NEK7: variants seen among roughly 807,000 people sequenced by gnomAD.
NEK7 encodes serine/threonine-protein kinase Nek7.
A neutral mutation model predicts 44.6 loss-of-function variants in NEK7; 18 were observed. The ratio of observed to expected loss-of-function variants is 0.40; its 90% CI spans 0.28 to 0.60. The LOEUF (loss-of-function observed/expected upper bound fraction) is 0.60. NEK7 is among the 20% of genes least tolerant of loss of function. NEK7 has a pLI of 0.38. For synonymous variants in NEK7, 130 were observed against 121.1 expected (o/e 1.07, Z -0.48); for missense variants, 256 against 366.5 (o/e 0.70, Z 2.46).
rs769564996 is a variant in NEK7, at chr1:198,297,173, A to G, written c.731A>G (p.Tyr244Cys). 8 of 1,613,508 alleles carry G rather than the reference A, an allele frequency of 5.0e-6. No homozygotes were observed. Among genetic ancestry groups the G allele is most frequent in the African/African-American group, 1.3e-5 (1 of 75,026 alleles). The change falls in exon 9 of 10, where the codon TAC (tyrosine) becomes TGC (cysteine). Residue 244 changes from tyrosine to cysteine, a missense_variant. Tyr to Cys is a radical substitution (Grantham distance 194, BLOSUM62 -2). Transcript: ENST00000367385. ...SPFYGDKMNL[Y>C]SLCKKIEQCD... is the part of the protein sequence containing the mutation. ...TTCTATGGTGACAAAATGAATTTAT[A>G]CTCACTGTGTAAGAAGATAGAACAG...
intron 2 of NEK7, among the ~76,000 whole-genome samples, chr1:198,252,570 AAAG>A (rs202203724): frequency 0.3 from 36,547 of 121,148 alleles, 7,232 homozygotes; most frequent in South Asian, 0.51. Flanking sequence ...ATATATATAA[AAAG>A]TACATATATA....
chr1:198,287,661 G>C (rs985805336), intron 7 of NEK7, among the ~76,000 whole-genome samples: 2 of 151,724 alleles, frequency 1.3e-5, no homozygotes, highest in Admixed American at 6.6e-5. Flanking sequence ...CTTACTGCAT[G>C]TTTGTGTGTG....
intron 2 of NEK7, among the ~76,000 whole-genome samples, chr1:198,249,757 G>C (rs937521763): frequency 1.4e-5 from 2 of 140,618 alleles, no homozygotes; most frequent in African/African-American, 2.7e-5. Context: ...TTGTAAATTT[G>C]TTTGAGTTCA....
chr1:198,191,952 C>G (rs575170395), intron 1 of NEK7, among the ~76,000 whole-genome samples: 1 of 152,160 alleles, frequency 6.6e-6, no homozygotes, highest in South Asian at 2.1e-4. Flanking sequence ...CATAGTAGTT[C>G]CAATGTTCTC....
chr1:198,319,111 C>G (rs1190791450), intron 9 of NEK7, among the ~76,000 whole-genome samples: 12 of 152,154 alleles, frequency 7.9e-5, no homozygotes, highest in Non-Finnish European at 1.2e-4. Context: ...CTAGTGTCCT[C>G]AGTGACTGCT....
intron 1 of NEK7, among the ~76,000 whole-genome samples, chr1:198,187,552 G>T (rs761462942): frequency 2.0e-5 from 3 of 152,140 alleles, no homozygotes; most frequent in Admixed American, 6.6e-5. Flanking sequence ...GTACCCAAGG[G>T]ATTGAGAAAG....
intron 9 of NEK7, among the ~76,000 whole-genome samples, chr1:198,307,455 T>TA (rs990771631): frequency 6.6e-6 from 1 of 152,112 alleles, no homozygotes; most frequent in Admixed American, 6.6e-5. Flanking sequence ...GGATAGAACT[T>TA]AGATTATCCA....
chr1:198,267,238 A>G (rs932524431), intron 5 of NEK7, among the ~76,000 whole-genome samples: 1 of 152,022 alleles, frequency 6.6e-6, no homozygotes, highest in Non-Finnish European at 1.5e-5. Context: ...TATTTTAAAC[A>G]TATTTACATG....
chr1:198,249,658 T>C (rs1652847160), intron 2 of NEK7, among the ~76,000 whole-genome samples: 1 of 151,630 alleles, frequency 6.6e-6, no homozygotes. Flanking sequence ...CATTTTTTCA[T>C]GTGTTTTTTG....
At chr1:198,295,277 C>A (rs1413661971) in intron 8 of NEK7, among the ~76,000 whole-genome samples, 1 of 150,576 alleles carries the variant, frequency 6.6e-6, no homozygotes, top group Non-Finnish European at 1.5e-5. Context: ...GCTTACAGTT[C>A]AAAAAAAAAG....
At chr1:198,295,640 ACT>A (rs960228777) in intron 8 of NEK7, among the ~76,000 whole-genome samples, 4 of 150,610 alleles carry the variant, frequency 2.7e-5, no homozygotes, top group African/African-American at 4.9e-5. Context: ...TTTTTTTAAC[ACT>A]CTGCAGTACT....
Position 198,264,350 on chromosome 1 carries a change from T to A in NEK7, c.372+115T>A, listed in dbSNP as rs1653579545. 1.2e-5 allele frequency: 8 copies of A among 686,610 alleles called. No homozygotes were observed. The East Asian group carries it at 2.4e-4, about 20-fold the overall frequency. 42.5% of individuals were successfully genotyped at this position (686,610 alleles called of 1,614,324 possible). ...TAAACTAAAGACCTCAATGCAAAGC[T>A]TATCTGATAGATATGTAACAAATAG... On this transcript the variant is annotated intron_variant, in intron 5 of 9. Coordinates refer to ENST00000367385, the MANE Select transcript of NEK7 (RefSeq NM_133494.3).
Position 198,170,771 on chromosome 1 carries a change from T to G in NEK7, c.-29+13495T>G, listed in dbSNP as rs559831166. ...CTTGTGAAGTGATTGTGAAGTTACTTGTACCTTTATGTTTTTAAAATTTGA... is the reference window on the plus strand; with the variant it reads ...CTTGTGAAGTGATTGTGAAGTTACTGGTACCTTTATGTTTTTAAAATTTGA... On this transcript the variant is annotated intron_variant, in intron 1 of 9. Transcript: ENST00000367385. Among the ~76,000 whole-genome samples the G allele has an allele frequency of 7.9e-4, 120 of 152,352 alleles. 1 individual carries two copies. The highest frequency in any genetic ancestry group is 2.8e-3 in the African/African-American group (118 of 41,576).
chr1:198,277,809 A>T (rs4915274), intron 5 of NEK7, 152 bp from the exon 6 acceptor site: 130 of 562,218 alleles, frequency 2.3e-4, no homozygotes, highest in Non-Finnish European at 3.3e-4. Flanking sequence ...AGATAAAATT[A>T]TTGGAATAAT....
chr1:198,224,003 A>G (rs999490022), intron 1 of NEK7, among the ~76,000 whole-genome samples: 5 of 152,322 alleles, frequency 3.3e-5, no homozygotes, highest in African/African-American at 1.2e-4. Flanking sequence ...GAGTCTGCAC[A>G]CTGCAGTTTG....
intron 1 of NEK7, among the ~76,000 whole-genome samples, chr1:198,159,269 C>CGCCA (rs925045354): frequency 4.0e-5 from 6 of 151,604 alleles, no homozygotes. Flanking sequence ...GCGGAAGGGG[C>CGCCA]GCCAGGCTGA....
intron 9 of NEK7, among the ~76,000 whole-genome samples, chr1:198,314,151 TA>T (rs1332815892): frequency 6.6e-6 from 1 of 152,186 alleles, no homozygotes; most frequent in Non-Finnish European, 1.5e-5. Flanking sequence ...CTTTTTTCTC[TA>T]AACTTCCCTT....
intron 1 of NEK7, chr1:198,198,119 C>A (rs1665299431): frequency 2.7e-6 from 3 of 1,098,604 alleles, no homozygotes; most frequent in Non-Finnish European, 4.0e-6. Context: ...AGGATTGGAA[C>A]CTCCAGGGTA....
intron 5 of NEK7, 42 bp downstream of exon 5, chr1:198,264,277 T>G (rs148351907): frequency 1.0e-4 from 146 of 1,425,994 alleles, no homozygotes; most frequent in Middle Eastern, 5.4e-4. Context: ...GTTTTGTTTT[T>G]TTTTCTAATA....
Sources: allele counts gnomAD v4.1 joint callset (sites outside exome capture counted in the v4.1 genomes callset), GRCh38; gene constraint gnomAD v4.1.1; transcripts MANE v1.5; gene names NCBI Gene and HGNC (gene_info 2026-07-23, HGNC 2026-07-21).